KLHL13: variants seen among roughly 807,000 people sequenced by gnomAD.
KLHL13 encodes kelch like family member 13.
Under a neutral mutation model 37.1 loss-of-function variants are expected in KLHL13, and 10 were observed. The ratio of observed to expected loss-of-function variants is 0.27; its 90% CI spans 0.17 to 0.46. The LOEUF (loss-of-function observed/expected upper bound fraction) is 0.46, where lower values mean the gene tolerates loss of function less well. KLHL13 is among the 20% of genes least tolerant of loss of function. The pLI is 1.00. For synonymous variants in KLHL13, 163 were observed against 181.2 expected (o/e 0.90, Z 0.81); for missense variants, 360 against 509.3 (o/e 0.71, Z 2.82).
At chrX:118,003,008 G>A (rs898603058) in intron 1 of KLHL13, among the ~76,000 whole-genome samples, 3 of 112,182 alleles carry the variant, frequency 2.7e-5, no homozygotes, top group Non-Finnish European at 5.6e-5. Flanking sequence ...CACACTTGGC[G>A]AAGGGAAAAT....
At chrX:118,056,529 T>C (rs2054686714) in intron 1 of KLHL13, among the ~76,000 whole-genome samples, 1 of 111,995 alleles carries the variant, frequency 8.9e-6, no homozygotes, top group Non-Finnish European at 1.9e-5. Context: ...AGGAAAGCCT[T>C]ATCTGTCCTG....
intron 2 of KLHL13, among the ~76,000 whole-genome samples, chrX:117,938,512 G>A (rs771615535): frequency 5.4e-5 from 6 of 111,025 alleles, no homozygotes; most frequent in South Asian, 3.8e-4. Context: ...GGGACCTAGC[G>A]TTCAGTGTTT....
At chrX:117,976,696 T>C (rs762046328), upstream of KLHL13, among the ~76,000 whole-genome samples, 12 of 112,322 alleles carry the variant, frequency 1.1e-4, no homozygotes, top group South Asian at 4.5e-3. Flanking sequence ...GCTTCTATTA[T>C]GTACAATTGC....
intron 1 of KLHL13, among the ~76,000 whole-genome samples, chrX:118,102,886 A>C (rs954916071): frequency 8.9e-6 from 1 of 112,067 alleles, no homozygotes; most frequent in African/African-American, 3.2e-5. Flanking sequence ...TTTTAAAATC[A>C]ATAAATGATA....
At chrX:117,983,850 GC>G (rs773844718) in intron 1 of KLHL13, among the ~76,000 whole-genome samples, 1 of 111,547 alleles carries the variant, frequency 9.0e-6, no homozygotes, top group South Asian at 3.7e-4. Flanking sequence ...GACTAAACTA[GC>G]CAAATTTGGA....
chrX:117,919,355 T>G, intron 4 of KLHL13, among the ~76,000 whole-genome samples, 166 bp downstream of exon 5: 1 of 112,269 alleles, frequency 8.9e-6, no homozygotes, highest in Non-Finnish European at 1.9e-5. Flanking sequence ...TGATTCTATT[T>G]CATAAAAATG....
intron 5 of KLHL13, among the ~76,000 whole-genome samples, chrX:117,906,672 ATATAT>A (rs886582087): frequency 4.5e-5 from 5 of 111,472 alleles, no homozygotes; most frequent in African/African-American, 1.6e-4. Flanking sequence ...TAAACTTCCA[ATATAT>A]TATATAATAA....
chrX:117,907,834 G>T (rs150996571), intron 5 of KLHL13, among the ~76,000 whole-genome samples: 152 of 111,132 alleles, frequency 1.4e-3, no homozygotes, highest in African/African-American at 4.9e-3. Flanking sequence ...TCAGGAAAAA[G>T]ACCATGTCAC....
chrX:117,938,499 T>G (rs2147775033), intron 2 of KLHL13, among the ~76,000 whole-genome samples: 1 of 111,303 alleles, frequency 9.0e-6, no homozygotes, highest in South Asian at 3.8e-4. Flanking sequence ...AAAATTCTGG[T>G]TTGGGACCTA....
intron 1 of KLHL13, among the ~76,000 whole-genome samples, chrX:118,096,460 C>T (rs1395041335): frequency 3.6e-5 from 4 of 111,546 alleles, no homozygotes; most frequent in African/African-American, 9.8e-5. Flanking sequence ...CAAAAAAAGT[C>T]CAGGATCAGA....
At chrX:117,978,838 T>C (rs1346032933) in intron 1 of KLHL13, among the ~76,000 whole-genome samples, 5 of 102,591 alleles carry the variant, frequency 4.9e-5, no homozygotes, top group African/African-American at 1.9e-4. Flanking sequence ...AGTATTCCCA[T>C]CTGTTTAAAA....
chrX:117,899,902 A>G (rs1929980923), intron 6 of KLHL13, among the ~76,000 whole-genome samples: 1 of 112,368 alleles, frequency 8.9e-6, no homozygotes, highest in Non-Finnish European at 1.9e-5. Context: ...ATATTTATCA[A>G]AATGCTTTGA....
rs140911141 is a variant in KLHL13 at position 118,002,932 on chromosome X, C to T, written c.-55-57357G>A. 2.3e-3 allele frequency among the ~76,000 whole-genome samples: 254 copies of T among 112,342 alleles called. 1 individual carries two copies. Among genetic ancestry groups the T allele is most frequent in the African/African-American group, 7.9e-3 (243 of 30,925 alleles). On this transcript the variant is annotated intron_variant, in intron 1 of 6. Transcript: ENST00000371882. ...TTGGTACCTATGTCTGTTTGGTGTT[C>T]CAAGCATGTGCTTGATCTACCTTCT...
intron 5 of KLHL13, among the ~76,000 whole-genome samples, chrX:117,907,426 A>T (rs1304732636): frequency 2.7e-5 from 3 of 111,912 alleles, no homozygotes; most frequent in Non-Finnish European, 3.8e-5. Flanking sequence ...ACTGACTTTG[A>T]AAAACGGAGC....
intron 1 of KLHL13, among the ~76,000 whole-genome samples, chrX:118,105,094 T>C (rs967170992): frequency 2.7e-5 from 3 of 112,369 alleles, no homozygotes; most frequent in Admixed American, 1.9e-4. Context: ...TGCACACACA[T>C]GCACATATGT....
chrX:118,045,228 G>A (rs976559638), intron 1 of KLHL13, among the ~76,000 whole-genome samples: 3 of 109,028 alleles, frequency 2.8e-5, no homozygotes, highest in Non-Finnish European at 5.7e-5. Context: ...AAAAAAATTA[G>A]CCGGGCATGG....
chrX:117,994,491 A>C (rs1467859246), intron 1 of KLHL13, among the ~76,000 whole-genome samples: 4 of 110,559 alleles, frequency 3.6e-5, no homozygotes, highest in Non-Finnish European at 1.9e-5. Context: ...GTCTCAAGCA[A>C]TCCTCCATCC....
intron 2 of KLHL13, among the ~76,000 whole-genome samples, chrX:117,920,651 A>G (rs1176672741): frequency 1.8e-5 from 2 of 112,181 alleles, no homozygotes; most frequent in Non-Finnish European, 3.8e-5. Flanking sequence ...ATCAGCTTTT[A>G]CCTTATTTTG....
intron 5 of KLHL13, among the ~76,000 whole-genome samples, chrX:117,906,226 T>G (rs756464596): frequency 8.9e-6 from 1 of 111,937 alleles, no homozygotes; most frequent in Non-Finnish European, 1.9e-5. Flanking sequence ...CCTCAGTTTC[T>G]GGCAGGAACA....
Sources: gnomAD v4.1 joint callset for allele counts (sites outside exome capture counted in the v4.1 genomes callset) on GRCh38, gnomAD v4.1.1 for gene constraint, MANE v1.5 for transcripts, NCBI Gene and HGNC (gene_info 2026-07-23, HGNC 2026-07-21) for gene names.